Variants in SLC38A9 observed in about 807,000 individuals in gnomAD.
SLC38A9 encodes solute carrier family 38 member 9, also known as neutral amino acid transporter 9.
SLC38A9 carries 48 observed loss-of-function variants against 62.3 expected under a neutral mutation model. The observed-to-expected ratio is 0.77, with a 90% confidence interval of 0.61 to 0.98. SLC38A9 has a LOEUF of 0.98. Ranked by LOEUF, SLC38A9 falls within the 50% of genes least tolerant of loss-of-function variation. The pLI, the probability that SLC38A9 is intolerant of heterozygous loss-of-function variation, is 0.00. For synonymous variants in SLC38A9, 204 were observed against 227.7 expected (o/e 0.90, Z 0.94); for missense variants, 541 against 679.8 (o/e 0.80, Z 2.27).
chr5:55,669,861 C>CT lies in SLC38A9; in HGVS notation c.264dup (p.Val89SerfsTer11). On this transcript the variant is annotated frameshift_variant, in exon 5 of 16. Coordinates refer to ENST00000396865, the MANE Select transcript of SLC38A9 (RefSeq NM_173514.4). LOFTEE classifies it high-confidence loss of function. ...ACATAGCACTCTTCTGGAGCTGGAA[C>CT]TACATGGTCTGGGGCAATCTGGTAA... 6.2e-7 allele frequency: 1 copy of CT among 1,608,368 alleles called. No individual in the cohort carries two copies. The highest frequency in any genetic ancestry group is 8.5e-7 in the Non-Finnish European group (1 of 1,178,362).
rs889528216 is a variant in SLC38A9 at position 55,697,923 on chromosome 5, G to A, written c.36C>T (p.Gly12=). ...CTCTTTCATGATCTACCTCAGAGGT[G>A]CCAAGATGCCTAGAATCACTATTCA... The part of the protein sequence containing the change: ...ANMNSDSRHL[G]TSEVDHERDP... Residue 12 remains glycine, a synonymous_variant, in exon 3 of 16, where the codon GGC becomes GGT. Transcript: ENST00000396865. The A allele has an allele frequency of 1.2e-6, 2 of 1,602,698 alleles. No homozygotes were observed. The highest frequency in any genetic ancestry group is 1.7e-6 in the Non-Finnish European group (2 of 1,175,678).
At chr5:55,663,450 T>C (rs1308797425) in intron 8 of SLC38A9, among the ~76,000 whole-genome samples, 1 of 152,044 alleles carries the variant, frequency 6.6e-6, no homozygotes, top group African/African-American at 2.4e-5. Flanking sequence ...ATAAAGATGC[T>C]TGGGGCCAGG....
intron 3 of SLC38A9, among the ~76,000 whole-genome samples, chr5:55,695,338 G>C (rs1580394093): frequency 1.1e-5 from 1 of 93,368 alleles, no homozygotes; most frequent in South Asian, 4.4e-4. Flanking sequence ...AGGGTCATAG[G>C]ACAATAGTGG....
intron 3 of SLC38A9, among the ~76,000 whole-genome samples, chr5:55,687,322 G>T (rs1348120154): frequency 6.7e-6 from 1 of 149,854 alleles, no homozygotes; most frequent in African/African-American, 2.5e-5. Flanking sequence ...AGCTACTCGG[G>T]AGGCTGAGGC....
intron 3 of SLC38A9, among the ~76,000 whole-genome samples, chr5:55,685,538 CCTAGAA>C (rs1310516130): frequency 3.3e-5 from 5 of 152,146 alleles, no homozygotes; most frequent in Non-Finnish European, 7.4e-5. Context: ...TGGATAGATA[CCTAGAA>C]CTAGAATTGC....
At chr5:55,661,716 T>G (rs2150277841) in intron 8 of SLC38A9, among the ~76,000 whole-genome samples, 1 of 152,194 alleles carries the variant, frequency 6.6e-6, no homozygotes, top group African/African-American at 2.4e-5. Flanking sequence ...AATAAAAAAC[T>G]TTTGAATAAC....
intron 2 of SLC38A9, chr5:55,704,520 A>G (rs2150702253): frequency 6.6e-6 from 1 of 151,778 alleles, no homozygotes; most frequent in South Asian, 2.1e-4. Flanking sequence ...AAGTCTGTGT[A>G]AGAGTTTACT....
At chr5:55,711,668 C>G (rs180857813) in intron 1 of SLC38A9, among the ~76,000 whole-genome samples, 169 bp from the exon 2 acceptor site, 21 of 152,274 alleles carry the variant, frequency 1.4e-4, no homozygotes, top group African/African-American at 5.1e-4. Context: ...CCTCTGTGGT[C>G]CTAGCTCAAG....
chr5:55,697,604 C>CT (rs1411493432), intron 3 of SLC38A9, among the ~76,000 whole-genome samples: 1 of 145,976 alleles, frequency 6.9e-6, no homozygotes, highest in Middle Eastern at 3.4e-3. Flanking sequence ...ATGTACCTTA[C>CT]TTTGTAAAGT....
intron 2 of SLC38A9, among the ~76,000 whole-genome samples, chr5:55,710,394 G>C (rs1757863006): frequency 6.6e-6 from 1 of 151,266 alleles, no homozygotes; most frequent in African/African-American, 2.4e-5. Flanking sequence ...TTTTAGTAGA[G>C]ACAGGGTTTC....
At chr5:55,703,869 G>A (rs1262081675) in intron 2 of SLC38A9, among the ~76,000 whole-genome samples, 3 of 152,162 alleles carry the variant, frequency 2.0e-5, no homozygotes, top group Non-Finnish European at 4.4e-5. Context: ...ATATAAATAG[G>A]CCTGGCATGG....
At chr5:55,644,730 A>G (rs1399367144) in intron 12 of SLC38A9, among the ~76,000 whole-genome samples, 1 of 151,836 alleles carries the variant, frequency 6.6e-6, no homozygotes, top group Non-Finnish European at 1.5e-5. Flanking sequence ...CATTATTATT[A>G]TTATACTTTA....
intron 8 of SLC38A9, 86 bp from the exon 9 acceptor site, chr5:55,656,860 C>CTTTTTTTTTTTTTTTTTTTTTTTTTTT: frequency 2.3e-6 from 1 of 435,800 alleles, no homozygotes; most frequent in Non-Finnish European, 3.8e-6. Flanking sequence ...TTATAAAAAT[C>CTTTTTTTTTTTTTTTTTTTTTTTTTTT]TTTTTTTTTT....
At chr5:55,696,466 C>CA in intron 3 of SLC38A9, 1 of 11,264 alleles carries the variant, frequency 8.9e-5, no homozygotes, top group Admixed American at 7.2e-4. Flanking sequence ...CCAGTAGGGG[C>CA]GGGCCGGGCA....
At chr5:55,643,547 G>GTTGACAGTGTTT (rs1328656395) in intron 12 of SLC38A9, among the ~76,000 whole-genome samples, 1 of 152,152 alleles carries the variant, frequency 6.6e-6, no homozygotes, top group Admixed American at 6.5e-5. Flanking sequence ...GATTAAATAG[G>GTTGACAGTGTTT]TTGACAGTGT....
At chr5:55,627,858 A>G in intron 15 of SLC38A9, 33 bp downstream of exon 15, 1 of 1,298,004 alleles carries the variant, frequency 7.7e-7, no homozygotes, top group South Asian at 1.3e-5. Context: ...AGACCAATAT[A>G]TGTAAGGGCA....
At chr5:55,685,623 A>AT (rs1045781711) in intron 3 of SLC38A9, among the ~76,000 whole-genome samples, 40 of 150,494 alleles carry the variant, frequency 2.7e-4, no homozygotes, top group East Asian at 7.7e-4. Context: ...ATGGCTGTAC[A>AT]TTTTTTTTTT....
At chr5:55,659,353 A>G (rs1048572660) in intron 8 of SLC38A9, among the ~76,000 whole-genome samples, 3 of 150,076 alleles carry the variant, frequency 2.0e-5, no homozygotes, top group African/African-American at 7.3e-5. Context: ...GTATACATAT[A>G]TGAACTATTA....
intron 2 of SLC38A9, among the ~76,000 whole-genome samples, chr5:55,710,928 T>TA (rs1419330743): frequency 4.1e-4 from 62 of 151,756 alleles, no homozygotes; most frequent in African/African-American, 1.5e-3. Flanking sequence ...AAAACGTTTT[T>TA]AAAAAATCTT....
Sources: gnomAD v4.1 joint callset for allele counts (sites outside exome capture counted in the v4.1 genomes callset) on GRCh38, gnomAD v4.1.1 for gene constraint, MANE v1.5 for transcripts, NCBI Gene and HGNC (gene_info 2026-07-23, HGNC 2026-07-21) for gene names.